Variants in LRRC56 observed in about 807,000 individuals in gnomAD.
LRRC56 encodes the protein leucine-rich repeat-containing protein 56.
LRRC56 carries 41 observed loss-of-function variants against 47.8 expected under a neutral mutation model. The ratio of observed to expected loss-of-function variants is 0.86; its 90% CI spans 0.67 to 1.11. The LOEUF (loss-of-function observed/expected upper bound fraction) is 1.11. Ranked by LOEUF, LRRC56 falls within the 50% of genes most tolerant of loss-of-function variation. The pLI, the probability that LRRC56 is intolerant of heterozygous loss-of-function variation, is 0.00. For synonymous variants in LRRC56, 387 were observed against 311.2 expected, an observed-to-expected ratio of 1.24 and a Z score of -2.56; for missense variants, 759 against 704.2, an observed-to-expected ratio of 1.08 and a Z score of -0.88.
chr11:554,002 C>T lies in LRRC56; in HGVS notation c.1355C>T (p.Pro452Leu). 6.2e-7 allele frequency: 1 copy of T among 1,612,324 alleles called. No homozygotes were observed. ...TCGAGCCAGCACCTGGTCCCTTCAC[C>T]TCCCAAGCACCCAAGGCCACGAGAT... Reference protein sequence around the residue: ...GTSSQHLVPSPPKHPRPRDSG... With the variant: ...GTSSQHLVPSLPKHPRPRDSG... The change falls in exon 14 of 14, where the codon CCT (proline) becomes CTT (leucine). Residue 452 changes from proline to leucine, a missense_variant. Coordinates refer to ENST00000270115, the MANE Select transcript of LRRC56 (RefSeq NM_198075.4).
chr11:526,359 A>G, the LRRC56 span, among the ~76,000 whole-genome samples: 1 of 152,172 alleles, frequency 6.6e-6, no homozygotes, highest in East Asian at 1.9e-4. Flanking sequence ...AGATCCCGCA[A>G]CACGCCCAAG....
At chr11:540,357 G>T (rs1186248090) in intron 3 of LRRC56, among the ~76,000 whole-genome samples, 1 of 152,210 alleles carries the variant, frequency 6.6e-6, no homozygotes, top group Non-Finnish European at 1.5e-5. Context: ...GGCCTCAGGT[G>T]GGGAGGCCTG....
At chr11:517,852 T>G in the LRRC56 span, among the ~76,000 whole-genome samples, 1 of 152,268 alleles carries the variant, frequency 6.6e-6, no homozygotes, top group Non-Finnish European at 1.5e-5. Context: ...TGGGATGCTG[T>G]TAATCTATAA....
At chr11:553,307 G>GACCCC (rs1564809257) in intron 13 of LRRC56, among the ~76,000 whole-genome samples, 1 of 152,126 alleles carries the variant, frequency 6.6e-6, no homozygotes, top group African/African-American at 2.4e-5. Flanking sequence ...AAGCAGGGGC[G>GACCCC]ACCCCACGGT....
At chr11:549,875 T>C in intron 6 of LRRC56, 27 bp from the exon 7 acceptor site, 1 of 1,602,130 alleles carries the variant, frequency 6.2e-7, no homozygotes, top group Non-Finnish European at 8.5e-7. Flanking sequence ...TGGGCACATG[T>C]TGACCACCAA....
intron 13 of LRRC56, among the ~76,000 whole-genome samples, chr11:552,910 G>A (rs964370367): frequency 1.3e-5 from 2 of 152,214 alleles, no homozygotes; most frequent in South Asian, 2.1e-4. Context: ...CCCAAGCCAC[G>A]GTCCAATCCC....
At chr11:527,095 C>T in the LRRC56 span, among the ~76,000 whole-genome samples, 5 of 151,930 alleles carry the variant, frequency 3.3e-5, no homozygotes, top group African/African-American at 9.7e-5. Context: ...AGGTCAGGAG[C>T]TCCAGACCAT....
the LRRC56 span, among the ~76,000 whole-genome samples, chr11:511,562 G>A: frequency 6.6e-6 from 1 of 152,226 alleles, no homozygotes; most frequent in Non-Finnish European, 1.5e-5. Flanking sequence ...GATAGAGCAG[G>A]TTGAGGGGAA....
At chr11:543,849 C>T (rs1027013881) in intron 5 of LRRC56, among the ~76,000 whole-genome samples, 2 of 151,962 alleles carry the variant, frequency 1.3e-5, no homozygotes, top group African/African-American at 2.4e-5. Flanking sequence ...CCCGGGTTCA[C>T]GCCATTCTCC....
chr11:508,994 A>G, the LRRC56 span, among the ~76,000 whole-genome samples: 12 of 152,158 alleles, frequency 7.9e-5, no homozygotes, highest in African/African-American at 2.9e-4. Flanking sequence ...GCAGTGAGCC[A>G]AGATCGTGCC....
intron 6 of LRRC56, among the ~76,000 whole-genome samples, chr11:547,818 G>A (rs142289740): frequency 4.3e-4 from 66 of 152,136 alleles, no homozygotes; most frequent in African/African-American, 1.5e-3. Flanking sequence ...AAATGACTAG[G>A]TCATAAATTG....
At chr11:542,531 A>G (rs1851844899) in intron 5 of LRRC56, among the ~76,000 whole-genome samples, 1 of 137,774 alleles carries the variant, frequency 7.3e-6, no homozygotes, top group Non-Finnish European at 1.5e-5. Context: ...CAGTGAGCTG[A>G]GATTGCACCG....
At chr11:517,265 G>C in the LRRC56 span, among the ~76,000 whole-genome samples, 1 of 151,662 alleles carries the variant, frequency 6.6e-6, no homozygotes, top group African/African-American at 2.4e-5. Flanking sequence ...CTGCCCGGCC[G>C]CCACCCCGTC....
the LRRC56 span, among the ~76,000 whole-genome samples, chr11:512,050 T>TCTTC: frequency 1.2e-4 from 18 of 151,310 alleles, 1 homozygote; most frequent in East Asian, 2.9e-3. Flanking sequence ...CTCAAGTGAT[T>TCTTC]CTTCCGCCTC....
chr11:533,194 C>A, upstream of LRRC56: 1 of 1,247,160 alleles, frequency 8.0e-7, no homozygotes, highest in Non-Finnish European at 1.1e-6. Context: ...TTCCCCGGAG[C>A]TGTGTCGGCC....
chr11:554,314 A>G lies in LRRC56; in HGVS notation c.*38A>G, dbSNP rs1852634911. ...TGCCAGGCTTCCCTGTGCTGGGGCC[A>G]CGACTTGCCCACATATGTGGTCACA... On this transcript the variant is annotated 3_prime_UTR_variant, in exon 14 of 14. Coordinates refer to ENST00000270115, the MANE Select transcript of LRRC56 (RefSeq NM_198075.4). 1 of 1,456,130 alleles carries G rather than the reference A, an allele frequency of 6.9e-7. No individual in the cohort carries two copies. The highest frequency in any genetic ancestry group is 1.4e-5 in the African/African-American group (1 of 69,820). 90.2% of individuals were successfully genotyped at this position (1,456,130 alleles called of 1,614,324 possible).
the LRRC56 span, chr11:528,741 A>G: frequency 4.6e-5 from 7 of 152,150 alleles, no homozygotes; most frequent in African/African-American, 9.7e-5. Flanking sequence ...AGAAACACAC[A>G]CACGCACACG....
the LRRC56 span, among the ~76,000 whole-genome samples, chr11:522,305 G>A: frequency 6.6e-6 from 1 of 151,774 alleles, no homozygotes; most frequent in Non-Finnish European, 1.5e-5. Flanking sequence ...TCACTCTGTC[G>A]CCCAGGCTGG....
the LRRC56 span, among the ~76,000 whole-genome samples, chr11:530,456 G>A: frequency 2.9e-5 from 4 of 138,492 alleles, no homozygotes; most frequent in East Asian, 6.2e-4. Context: ...CAAGTGTGGC[G>A]TCCCCTGGAG....
Sources: gnomAD v4.1 joint callset for allele counts (sites outside exome capture counted in the v4.1 genomes callset) on GRCh38, gnomAD v4.1.1 for gene constraint, MANE v1.5 for transcripts, NCBI Gene and HGNC (gene_info 2026-07-23, HGNC 2026-07-21) for gene names.